PAG1: variants seen among roughly 807,000 people sequenced by gnomAD.
PAG1 encodes phosphoprotein associated with glycosphingolipid-enriched microdomains 1.
A neutral mutation model predicts 31.7 loss-of-function variants in PAG1; 23 were observed. The ratio of observed to expected loss-of-function variants is 0.73; its 90% CI spans 0.52 to 1.03. PAG1 has a LOEUF of 1.03. PAG1 is among the 50% of genes least tolerant of loss of function. PAG1 has a pLI of 0.00. For synonymous variants in PAG1, 214 were observed against 210.3 expected (o/e 1.02, Z -0.15); for missense variants, 473 against 540.7 (o/e 0.87, Z 1.24).
At chr8:81,056,520 T>G (rs924476453) in intron 2 of PAG1, among the ~76,000 whole-genome samples, 2 of 152,142 alleles carry the variant, frequency 1.3e-5, no homozygotes, top group African/African-American at 4.8e-5. Flanking sequence ...TAGCCATATG[T>G]AGAAAGCTGA....
intron 4 of PAG1, among the ~76,000 whole-genome samples, chr8:80,992,410 G>A (rs1259020077): frequency 6.6e-6 from 1 of 152,202 alleles, no homozygotes; most frequent in African/African-American, 2.4e-5. Context: ...CGGTCAGCTG[G>A]TCTGCATGGG....
At chr8:81,069,133 A>G (rs1490387113) in intron 2 of PAG1, among the ~76,000 whole-genome samples, 1 of 152,248 alleles carries the variant, frequency 6.6e-6, no homozygotes, top group Non-Finnish European at 1.5e-5. Flanking sequence ...AGTTATATTT[A>G]GAAAGACTGT....
At chr8:81,096,217 G>T (rs1380714146) in intron 1 of PAG1, among the ~76,000 whole-genome samples, 1 of 152,164 alleles carries the variant, frequency 6.6e-6, no homozygotes, top group Non-Finnish European at 1.5e-5. Flanking sequence ...AGGCACTCAT[G>T]TTGTAAGTGT....
chr8:80,996,397 G>C (rs1229856938), intron 3 of PAG1, among the ~76,000 whole-genome samples: 1 of 152,208 alleles, frequency 6.6e-6, no homozygotes, highest in Non-Finnish European at 1.5e-5. Context: ...GAGAAGATCT[G>C]TGCACTGCTA....
chr8:81,110,605 G>A (rs75177367), intron 1 of PAG1, among the ~76,000 whole-genome samples: 1,662 of 152,262 alleles, frequency 0.011, 28 homozygotes, highest in African/African-American at 0.038. Flanking sequence ...ACAATTGTCT[G>A]GCATGAACAA....
At chr8:81,052,372 T>C (rs1808747960) in intron 2 of PAG1, among the ~76,000 whole-genome samples, 1 of 152,152 alleles carries the variant, frequency 6.6e-6, no homozygotes, top group African/African-American at 2.4e-5. Context: ...GTAAGTTCAG[T>C]AGCCCCCACC....
intron 3 of PAG1, among the ~76,000 whole-genome samples, chr8:80,995,534 G>T (rs1017820918): frequency 6.6e-6 from 1 of 152,216 alleles, no homozygotes; most frequent in Non-Finnish European, 1.5e-5. Context: ...GCTAAATCAT[G>T]ATGACCAATG....
intron 3 of PAG1, among the ~76,000 whole-genome samples, chr8:81,003,139 C>T (rs1026199829): frequency 1.8e-4 from 27 of 152,150 alleles, no homozygotes; most frequent in Admixed American, 8.5e-4. Context: ...TGGCGGGGCC[C>T]GGCAACCTCT....
chr8:81,056,860 A>G (rs565096285), intron 2 of PAG1, among the ~76,000 whole-genome samples: 1 of 152,358 alleles, frequency 6.6e-6, no homozygotes, highest in South Asian at 2.1e-4. Context: ...AAAGAACTCA[A>G]AGAAATTTAC....
chr8:81,079,792 AG>A (rs1286922804), intron 1 of PAG1, among the ~76,000 whole-genome samples: 1 of 151,982 alleles, frequency 6.6e-6, no homozygotes, highest in African/African-American at 2.4e-5. Flanking sequence ...TTTTTGAGAC[AG>A]GGTCTCGCTC....
At chr8:81,109,274 A>G (rs551177529) in intron 1 of PAG1, among the ~76,000 whole-genome samples, 38 of 152,340 alleles carry the variant, frequency 2.5e-4, no homozygotes, top group African/African-American at 8.7e-4. Context: ...TTAAGCTTAG[A>G]TTTCTTCATG....
intron 3 of PAG1, among the ~76,000 whole-genome samples, chr8:81,026,582 G>A (rs1252716426): frequency 6.6e-6 from 1 of 151,754 alleles, no homozygotes; most frequent in South Asian, 2.1e-4. Flanking sequence ...GCTTTCTGGC[G>A]AACTGTGGTC....
intron 5 of PAG1, 149 bp downstream of exon 5, chr8:80,991,330 C>CA (rs1428593981): frequency 1.5e-6 from 1 of 676,104 alleles, no homozygotes; most frequent in Admixed American, 2.2e-5. Context: ...AGCACTACTG[C>CA]ATCCATTTCA....
Position 80,971,248 on chromosome 8 carries a change from A to G in PAG1, c.*5296T>C, listed in dbSNP as rs1039637665. On this transcript the variant is annotated 3_prime_UTR_variant, in exon 9 of 9. Transcript: ENST00000220597. ...ATGAAAATGCTACTAAGTGTCATGA[A>G]TTATTTTTTAATATTTTTGAGTAAG... 1 of 152,218 alleles carries G rather than the reference A, an allele frequency of 6.6e-6. No individual in the cohort carries two copies. The highest frequency in any genetic ancestry group is 1.5e-5 in the Non-Finnish European group (1 of 68,030). The allele number at this position is 152,218 out of a possible 1,614,324, so 9.4% of individuals were successfully genotyped here.
intron 1 of PAG1, among the ~76,000 whole-genome samples, chr8:81,099,531 G>C (rs529732444): frequency 7.2e-5 from 11 of 152,090 alleles, no homozygotes; most frequent in Middle Eastern, 3.4e-3. Flanking sequence ...TATGGTACAG[G>C]CAATATAAAA....
At chr8:81,048,813 C>T (rs533493010) in intron 2 of PAG1, among the ~76,000 whole-genome samples, 16 of 152,140 alleles carry the variant, frequency 1.1e-4, no homozygotes, top group Non-Finnish European at 1.9e-4. Flanking sequence ...ATCTCCCTGC[C>T]TGGACAAAGT....
chr8:81,065,982 T>TCCAAAGTGAATGAAGTATC lies in PAG1; in HGVS notation c.-175+4111_-175+4129dup, dbSNP rs551239761. Among the ~76,000 whole-genome samples, 518 of 152,286 alleles carry TCCAAAGTGAATGAAGTATC rather than the reference T, an allele frequency of 3.4e-3. 3 individuals carry two copies. The highest frequency in any genetic ancestry group is 0.013 in the South Asian group (65 of 4,818). Reference sequence around the variant, plus strand: ...CACACCAACAAGTACATAGGGTTATTCCAAAGTGAATGAAGTATCCCAAAG... The same window carrying TCCAAAGTGAATGAAGTATC: ...CACACCAACAAGTACATAGGGTTATTCCAAAGTGAATGAAGTATCCCAAAGTGAATGAAGTATCCCAAAG... On this transcript the variant is annotated intron_variant, in intron 2 of 8. Coordinates refer to ENST00000220597, the MANE Select transcript of PAG1 (RefSeq NM_018440.4).
At chr8:81,013,865 C>A (rs1329217798) in intron 3 of PAG1, among the ~76,000 whole-genome samples, 3 of 152,196 alleles carry the variant, frequency 2.0e-5, no homozygotes, top group African/African-American at 7.2e-5. Flanking sequence ...CAGGCGTGAG[C>A]CACTGCACCT....
intron 3 of PAG1, among the ~76,000 whole-genome samples, chr8:81,000,724 G>A (rs1251348293): frequency 2.0e-5 from 3 of 152,134 alleles, no homozygotes; most frequent in Admixed American, 2.0e-4. Flanking sequence ...TTATAGGCAT[G>A]AGCCACCGCA....
Sources: allele counts gnomAD v4.1 joint callset (sites outside exome capture counted in the v4.1 genomes callset), GRCh38; gene constraint gnomAD v4.1.1; transcripts MANE v1.5; gene names NCBI Gene and HGNC (gene_info 2026-07-23, HGNC 2026-07-21).